Variants in RAB33A observed in about 807,000 individuals in gnomAD.
RAB33A encodes RAB33A, member RAS oncogene family.
A neutral mutation model predicts 12.0 loss-of-function variants in RAB33A; 6 were observed. That is an observed-to-expected ratio of 0.50 (90% CI 0.27 to 0.99). The LOEUF is 0.99. Among genes scored for constraint, RAB33A ranks in the 50% least tolerant of loss-of-function variants. The pLI is 0.11. For synonymous variants in RAB33A, 70 were observed against 82.4 expected, an observed-to-expected ratio of 0.85 and a Z score of 0.81; for missense variants, 109 against 192.0, an observed-to-expected ratio of 0.57 and a Z score of 2.55.
At chrX:130,137,580 A>G in the RAB33A span, 1 of 1,154,826 alleles carries the variant, frequency 8.7e-7, no homozygotes, top group Non-Finnish European at 1.2e-6. Flanking sequence ...ACTGGAGCTC[A>G]CAGATCTCTC....
chrX:130,147,632 A>G, the RAB33A span: 1 of 1,212,177 alleles, frequency 8.2e-7, no homozygotes, highest in Non-Finnish European at 1.1e-6. Context: ...ACCTTCAGAC[A>G]TAAAAATCAT....
Position 130,178,950 on chromosome X carries a change from C to T in RAB33A, c.259-5335C>T, listed in dbSNP as rs997569550. On this transcript the variant is annotated intron_variant, in intron 1 of 1. Transcript: ENST00000257017. ...TACAGGCGTGAGCCACCGCGCCCGG[C>T]GATTTTTTTTTTTTTTTTAATGAGA... Among the ~76,000 whole-genome samples, 153 of 104,077 alleles carry T rather than the reference C, an allele frequency of 1.5e-3. 5 individuals are homozygous for T. The highest frequency in any genetic ancestry group is 5.0e-3 in the Middle Eastern group (1 of 199). The allele number at this position is 104,077 out of a possible 115,157, so 90.4% of individuals were successfully genotyped here. A position where few individuals can be genotyped will look rare whatever the true frequency, so the allele number is the denominator to read the frequency against.
At chrX:130,163,859 A>G in the RAB33A span, among the ~76,000 whole-genome samples, 819 of 111,371 alleles carry the variant, frequency 7.4e-3, 2 homozygotes, top group African/African-American at 0.023. Context: ...GTGTGGATGA[A>G]AAAATTCAGG....
the RAB33A span, among the ~76,000 whole-genome samples, chrX:130,120,203 C>T: frequency 9.0e-6 from 1 of 111,238 alleles, no homozygotes; most frequent in Non-Finnish European, 1.9e-5. Flanking sequence ...CAGATAAGCC[C>T]TTAGTTTTTT....
chrX:130,163,613 A>G, the RAB33A span, among the ~76,000 whole-genome samples: 1 of 112,241 alleles, frequency 8.9e-6, no homozygotes, highest in African/African-American at 3.2e-5. Context: ...ATATGTCAGG[A>G]AGTCCGAATA....
chrX:130,178,116 C>G (rs1226974496), intron 1 of RAB33A, among the ~76,000 whole-genome samples: 1 of 111,380 alleles, frequency 9.0e-6, no homozygotes, highest in Non-Finnish European at 1.9e-5. Flanking sequence ...TCCAGACCAG[C>G]CTGGGCAACA....
chrX:130,122,005 C>G, the RAB33A span, among the ~76,000 whole-genome samples: 1 of 112,258 alleles, frequency 8.9e-6, no homozygotes, highest in Admixed American at 9.4e-5. Context: ...TTGAGCTGTT[C>G]TGGACCCCAG....
intron 1 of RAB33A, among the ~76,000 whole-genome samples, chrX:130,180,438 C>T (rs2031711356): frequency 9.0e-6 from 1 of 111,649 alleles, no homozygotes; most frequent in African/African-American, 3.3e-5. Flanking sequence ...TATACTCAGA[C>T]TCCAATTTAT....
the RAB33A span, chrX:130,138,145 A>C: frequency 7.7e-6 from 1 of 129,207 alleles, no homozygotes; most frequent in Non-Finnish European, 1.5e-5. Context: ...ACCAGAACTA[A>C]TCTCAGTGTT....
At chrX:130,140,994 T>C in the RAB33A span, among the ~76,000 whole-genome samples, 1 of 112,232 alleles carries the variant, frequency 8.9e-6, no homozygotes, top group Non-Finnish European at 1.9e-5. Context: ...CATATGCCTG[T>C]GGTCCCAGCT....
rs2031770448 is a variant in RAB33A at position 130,184,826 on chromosome X, T to A, written c.*86T>A. 3 of 835,363 alleles carry A rather than the reference T, an allele frequency of 3.6e-6. No individual in the cohort carries two copies. In the East Asian group the frequency reaches 1.0e-4, roughly 28 times the overall value. 68.8% of individuals were successfully genotyped at this position (835,363 alleles called of 1,213,427 possible). A position where few individuals can be genotyped will look rare whatever the true frequency, so the allele number is the denominator to read the frequency against. On this transcript the variant is annotated 3_prime_UTR_variant, in exon 2 of 2. Coordinates refer to ENST00000257017, the MANE Select transcript of RAB33A (RefSeq NM_004794.3). ...GTGCCTGCATAATGCTGACACCTGC[T>A]TGTTTCCATACAAATTGATATCAAA...
the RAB33A span, chrX:130,140,428 T>C: frequency 4.4e-6 from 3 of 680,443 alleles, no homozygotes; most frequent in Non-Finnish European, 4.8e-6. Flanking sequence ...TCAGAGAGTC[T>C]GGGTTTCCAT....
the RAB33A span, among the ~76,000 whole-genome samples, chrX:130,130,436 C>A: frequency 8.9e-6 from 1 of 112,105 alleles, no homozygotes; most frequent in East Asian, 2.8e-4. Context: ...ATTTTAAATT[C>A]ATGCTATGAA....
At chrX:130,128,616 T>A in the RAB33A span, among the ~76,000 whole-genome samples, 3 of 112,437 alleles carry the variant, frequency 2.7e-5, no homozygotes, top group African/African-American at 9.7e-5. Context: ...TTAAGCAATC[T>A]AAAATGCCAA....
chrX:130,155,027 C>A, the RAB33A span: 3 of 862,446 alleles, frequency 3.5e-6, no homozygotes, highest in Non-Finnish European at 5.1e-6. Flanking sequence ...CTGACAATGT[C>A]CCTTTAATAA....
intron 1 of RAB33A, among the ~76,000 whole-genome samples, chrX:130,181,367 C>T (rs1339054151): frequency 1.8e-5 from 2 of 111,810 alleles, no homozygotes; most frequent in Non-Finnish European, 3.8e-5. Flanking sequence ...GGCTATACTT[C>T]GTTTTAAGAG....
the RAB33A span, among the ~76,000 whole-genome samples, chrX:130,127,036 GGTGT>G: frequency 6.4e-3 from 678 of 105,996 alleles, 7 homozygotes; most frequent in African/African-American, 0.021. Flanking sequence ...CAATAAACCA[GGTGT>G]GTGTGTGTGT....
chrX:130,153,754 G>C, the RAB33A span, among the ~76,000 whole-genome samples: 1 of 111,522 alleles, frequency 9.0e-6, no homozygotes, highest in Admixed American at 9.5e-5. Flanking sequence ...GACACAGCAA[G>C]AGGGTAGGCT....
At chrX:130,111,321 C>T in the RAB33A span, among the ~76,000 whole-genome samples, 1 of 112,542 alleles carries the variant, frequency 8.9e-6, no homozygotes, top group Non-Finnish European at 1.9e-5. Flanking sequence ...GAAATCCCTT[C>T]CCCGCGGACT....
Sources: allele counts gnomAD v4.1 joint callset (sites outside exome capture counted in the v4.1 genomes callset), GRCh38; gene constraint gnomAD v4.1.1; transcripts MANE v1.5; gene names NCBI Gene and HGNC (gene_info 2026-07-23, HGNC 2026-07-21).